The following DIP2A variants were observed in gnomAD, a reference collection of about 807,000 sequenced individuals.
DIP2A encodes DIP2 acetate--CoA ligase A, also known as disco-interacting protein 2 homolog A.
In DIP2A, 85 loss-of-function variants were observed where a neutral mutation model predicts 177.4. The observed-to-expected ratio is 0.48, with a 90% confidence interval of 0.40 to 0.57. The LOEUF (loss-of-function observed/expected upper bound fraction) is 0.57, where lower values mean the gene tolerates loss of function less well. Among genes scored for constraint, DIP2A ranks in the 20% least tolerant of loss-of-function variants. The pLI is 0.00. For missense variants in DIP2A, 1,791 were observed against 2,100.2 expected (o/e 0.85, Z 2.88); for synonymous variants, 886 against 881.8 (o/e 1.00, Z -0.08).
Position 46,545,144 on chromosome 21 carries a change from A to G in DIP2A, c.2184A>G (p.Val728=), listed in dbSNP as rs1198372418. The G allele has an allele frequency of 3.1e-6, 5 of 1,590,426 alleles. No homozygotes were observed. Among genetic ancestry groups the G allele is most frequent in the Non-Finnish European group, 4.3e-6 (5 of 1,164,218 alleles). ...DVGQVMPGAN[V]CVVKLEGTPY... ...TTTTTTTTCTCATTTTAGCTAATGT[A>G]TGTGTTGTGAAGTTAGAAGGTACCC... Residue 728 remains valine, a synonymous_variant, in exon 19 of 38, where the codon GTA becomes GTG. Transcript: ENST00000417564.
In DIP2A at chr21:46,535,630, G is replaced by C. The variant is rs189478572; in HGVS notation, c.1642+943G>C. Among the ~76,000 whole-genome samples, 189 of 152,326 alleles carry C rather than the reference G, an allele frequency of 1.2e-3. 2 individuals are homozygous for C. Among genetic ancestry groups the C allele is most frequent in the African/African-American group, 4.3e-3 (178 of 41,570 alleles). ...TAGGTGTTTAAAAGCAAGGGTATAA[G>C]TTGAGGGCACAGCTAAAGCTTTTAC... On this transcript the variant is annotated intron_variant, in intron 13 of 37. Transcript: ENST00000417564.
At chr21:46,504,520 TAGC>T (rs2057872445) in intron 6 of DIP2A, 31 bp downstream of exon 6, 1 of 1,578,192 alleles carries the variant, frequency 6.3e-7, no homozygotes, top group Admixed American at 1.8e-5. Flanking sequence ...CCTCGTGAAA[TAGC>T]AGAACACAGG....
chr21:46,537,023 G>A lies in DIP2A; in HGVS notation c.1643-201G>A, dbSNP rs555691127. On this transcript the variant is annotated intron_variant, in intron 13 of 37. Coordinates refer to ENST00000417564, the MANE Select transcript of DIP2A (RefSeq NM_015151.4). The surrounding 1 kb of genome is among the most constrained non-coding windows in gnomAD (Gnocchi z 4.1). ...GCGTGGTTCTCTGTGTTAGTTCCAT[G>A]ACCTTCTACTTTTATGTGTTTCCAG... 1.3e-5 allele frequency among the ~76,000 whole-genome samples: 2 copies of A among 152,186 alleles called. No individual in the cohort carries two copies. Among genetic ancestry groups the A allele is most frequent in the South Asian group, 4.1e-4 (2 of 4,826 alleles).
intron 2 of DIP2A, among the ~76,000 whole-genome samples, chr21:46,487,994 C>A (rs1227770501): frequency 1.3e-5 from 2 of 152,058 alleles, no homozygotes; most frequent in Non-Finnish European, 2.9e-5. Flanking sequence ...TGAGAGTAGC[C>A]CATCAATTTT....
chr21:46,580,372 C>A, the DIP2A span, among the ~76,000 whole-genome samples: 1 of 152,166 alleles, frequency 6.6e-6, no homozygotes, highest in East Asian at 1.9e-4. Context: ...GAATACAGCA[C>A]ACTGATGGGT....
chr21:46,459,262 C>G, intron 1 of DIP2A, 40 bp downstream of exon 1: 1 of 1,475,816 alleles, frequency 6.8e-7, no homozygotes, highest in Non-Finnish European at 9.0e-7. Flanking sequence ...GACCCGCCCT[C>G]AGCCCGGTCC....
intron 3 of DIP2A, among the ~76,000 whole-genome samples, chr21:46,494,716 T>G (rs1050045912): frequency 6.6e-6 from 1 of 152,226 alleles, no homozygotes; most frequent in Non-Finnish European, 1.5e-5. Context: ...CCTCTTTTCC[T>G]TTTTCTTCTT....
At chr21:46,561,887 G>T in intron 34 of DIP2A, 82 bp downstream of exon 34, 2 of 1,577,032 alleles carry the variant, frequency 1.3e-6, no homozygotes, top group Non-Finnish European at 1.7e-6. Flanking sequence ...GGTGCTGGGG[G>T]CTGCGGCTCT....
Position 46,569,106 on chromosome 21 carries a change from T to G in DIP2A, c.*1484T>G, listed in dbSNP as rs1435328008. On this transcript the variant is annotated 3_prime_UTR_variant, in exon 38 of 38. Coordinates refer to ENST00000417564, the MANE Select transcript of DIP2A (RefSeq NM_015151.4). The stretch of plus-strand genomic sequence containing the variant: ...TTTTATATAGCTAATGAAGAGTATG[T>G]TACGAAATTGTTGGGTTTTTGGGGT... 2.0e-5 allele frequency: 3 copies of G among 152,226 alleles called. No homozygotes were observed. The highest frequency in any genetic ancestry group is 4.4e-5 in the Non-Finnish European group (3 of 68,042). 9.4% of individuals were successfully genotyped at this position (152,226 alleles called of 1,614,324 possible).
intron 33 of DIP2A, chr21:46,561,507 T>C (rs892888744): frequency 1.7e-6 from 1 of 594,604 alleles, no homozygotes; most frequent in East Asian, 3.3e-5. Context: ...AAACGAAATG[T>C]AGAGTGAGCT....
chr21:46,564,146 C>T (rs947527553), intron 35 of DIP2A, among the ~76,000 whole-genome samples: 2 of 152,230 alleles, frequency 1.3e-5, no homozygotes, highest in African/African-American at 4.8e-5. Flanking sequence ...GTTGACCTAA[C>T]CAAGAGAGGG....
the DIP2A span, among the ~76,000 whole-genome samples, chr21:46,583,574 T>A: frequency 6.6e-6 from 1 of 152,328 alleles, no homozygotes; most frequent in East Asian, 1.9e-4. Context: ...CCAAAACTCA[T>A]ACTAAAAGTT....
the DIP2A span, among the ~76,000 whole-genome samples, chr21:46,579,996 A>C: frequency 6.6e-6 from 1 of 152,150 alleles, no homozygotes; most frequent in East Asian, 1.9e-4. Context: ...TCAAGTTCTG[A>C]ATATCTTTGT....
At chr21:46,564,760 A>T (rs2060781144) in intron 35 of DIP2A, among the ~76,000 whole-genome samples, 1 of 152,192 alleles carries the variant, frequency 6.6e-6, no homozygotes, top group Non-Finnish European at 1.5e-5. Context: ...CCTGACTGGG[A>T]CAAGGGTGTG....
At chr21:46,566,411 A>G (rs749017424) in intron 36 of DIP2A, 149 bp from the exon 37 acceptor site, 24 of 1,047,900 alleles carry the variant, frequency 2.3e-5, no homozygotes, top group Non-Finnish European at 3.0e-5. Flanking sequence ...GACCTCCATC[A>G]CCCTTTCTGC....
intron 1 of DIP2A, among the ~76,000 whole-genome samples, chr21:46,462,294 G>A (rs1216860503): frequency 1.3e-5 from 2 of 152,226 alleles, no homozygotes; most frequent in Non-Finnish European, 2.9e-5. Flanking sequence ...GGCTCTCCCT[G>A]TTGGATTTGG....
At chr21:46,522,900 T>C (rs938341592) in intron 8 of DIP2A, among the ~76,000 whole-genome samples, 4 of 152,104 alleles carry the variant, frequency 2.6e-5, no homozygotes, top group Admixed American at 6.6e-5. Context: ...TTAACCATAG[T>C]GCTCTTTTAT....
intron 2 of DIP2A, among the ~76,000 whole-genome samples, chr21:46,489,378 C>A (rs1410899785): frequency 6.6e-6 from 1 of 152,314 alleles, no homozygotes; most frequent in East Asian, 1.9e-4. Flanking sequence ...TGTGAGGGCT[C>A]CTCAGTCACA....
chr21:46,475,688 AT>A (rs1203681950), intron 1 of DIP2A, among the ~76,000 whole-genome samples: 3 of 152,038 alleles, frequency 2.0e-5, no homozygotes, highest in African/African-American at 4.8e-5. Context: ...CTACCACCCA[AT>A]TTTTAAAAAA....
Sources: allele counts gnomAD v4.1 joint callset (sites outside exome capture counted in the v4.1 genomes callset), GRCh38; gene constraint gnomAD v4.1.1; non-coding constraint Gnocchi (gnomAD v3.1); transcripts MANE v1.5; gene names NCBI Gene and HGNC (gene_info 2026-07-23, HGNC 2026-07-21).